MACROD2: variants seen among roughly 807,000 people sequenced by gnomAD.
MACROD2 encodes mono-ADP ribosylhydrolase 2, also known as ADP-ribose glycohydrolase MACROD2.
Under a neutral mutation model 70.4 loss-of-function variants are expected in MACROD2, and 36 were observed. The observed-to-expected ratio is 0.51, with a 90% confidence interval of 0.39 to 0.68. The LOEUF (loss-of-function observed/expected upper bound fraction) is 0.68, where lower values mean the gene tolerates loss of function less well. MACROD2 is among the 30% of genes least tolerant of loss of function. The pLI is 0.00. For missense variants in MACROD2, 496 were observed against 538.4 expected, an observed-to-expected ratio of 0.92 and a Z score of 0.78; for synonymous variants, 172 against 178.8, an observed-to-expected ratio of 0.96 and a Z score of 0.30.
At chr20:15,617,961 T>A (rs1360312971) in intron 8 of MACROD2, among the ~76,000 whole-genome samples, 1 of 152,046 alleles carries the variant, frequency 6.6e-6, no homozygotes, top group South Asian at 2.1e-4. Flanking sequence ...ATACCACATA[T>A]GGAACATGTG....
At chr20:14,370,130 ACTT>A (rs1233581179) in intron 3 of MACROD2, among the ~76,000 whole-genome samples, 2 of 152,184 alleles carry the variant, frequency 1.3e-5, no homozygotes, top group African/African-American at 2.4e-5. Flanking sequence ...GTGATTTTAA[ACTT>A]TAATATTAGG....
At chr20:14,831,479 T>TA (rs1292499204) in intron 5 of MACROD2, among the ~76,000 whole-genome samples, 2 of 151,556 alleles carry the variant, frequency 1.3e-5, no homozygotes, top group Non-Finnish European at 2.9e-5. Context: ...TCCCTCCCAT[T>TA]AAAAAAAGAG....
chr20:14,337,479 T>A, intron 3 of MACROD2: 1 of 397,888 alleles, frequency 2.5e-6, no homozygotes, highest in Non-Finnish European at 4.4e-6. Context: ...ATTGGAGTAA[T>A]AGCCCTCCCC....
chr20:15,113,297 C>T (rs1183358823), intron 5 of MACROD2, among the ~76,000 whole-genome samples: 1 of 152,156 alleles, frequency 6.6e-6, no homozygotes, highest in African/African-American at 2.4e-5. Flanking sequence ...AATAGCACTG[C>T]TGGTGTAACA....
intron 6 of MACROD2, among the ~76,000 whole-genome samples, chr20:15,389,960 C>T (rs1361653520): frequency 6.6e-6 from 1 of 152,014 alleles, no homozygotes; most frequent in South Asian, 2.1e-4. Context: ...GACCAGGGAA[C>T]CTTGAGGTTC....
intron 5 of MACROD2, among the ~76,000 whole-genome samples, chr20:15,199,069 T>C (rs2076632520): frequency 6.7e-6 from 1 of 149,344 alleles, no homozygotes; most frequent in South Asian, 2.1e-4. Context: ...TGGACAGATG[T>C]AACATTAATC....
chr20:15,296,892 G>T (rs1022579443), intron 6 of MACROD2, among the ~76,000 whole-genome samples: 2 of 152,210 alleles, frequency 1.3e-5, no homozygotes, highest in Non-Finnish European at 2.9e-5. Context: ...TAAAAATGCT[G>T]CTTTAATGCT....
intron 4 of MACROD2, among the ~76,000 whole-genome samples, chr20:14,597,199 T>C (rs998415788): frequency 6.6e-6 from 1 of 152,200 alleles, no homozygotes; most frequent in Non-Finnish European, 1.5e-5. Context: ...AAGTGATGAA[T>C]TCTTGATGAA....
At chr20:14,508,959 G>A (rs1394022974) in intron 4 of MACROD2, among the ~76,000 whole-genome samples, 2 of 152,098 alleles carry the variant, frequency 1.3e-5, no homozygotes, top group African/African-American at 4.8e-5. Context: ...ATGTTCAATA[G>A]TAGGGGATTT....
intron 4 of MACROD2, among the ~76,000 whole-genome samples, chr20:14,576,519 G>C (rs964588066): frequency 1.3e-5 from 2 of 152,182 alleles, no homozygotes; most frequent in African/African-American, 4.8e-5. Flanking sequence ...TAATGGCAAA[G>C]TTGCTTTTGG....
chr20:14,940,201 G>A (rs1291075985), intron 5 of MACROD2, among the ~76,000 whole-genome samples: 2 of 150,896 alleles, frequency 1.3e-5, no homozygotes, highest in Non-Finnish European at 2.9e-5. Flanking sequence ...GGGTGTGGTG[G>A]CACATGCCTG....
At chr20:14,029,890 T>C (rs891069889) in intron 2 of MACROD2, among the ~76,000 whole-genome samples, 1 of 152,216 alleles carries the variant, frequency 6.6e-6, no homozygotes, top group Non-Finnish European at 1.5e-5. Context: ...TCTTTCTTAA[T>C]GTAAGACAGG....
At chr20:15,995,648 C>CATTTTTTTTTTTT (rs2066618730) in intron 15 of MACROD2, among the ~76,000 whole-genome samples, 1 of 26,974 alleles carries the variant, frequency 3.7e-5, no homozygotes, top group Admixed American at 4.4e-4. Flanking sequence ...CTATGCCCGG[C>CATTTTTTTTTTTT]CTTTTTTTTT....
intron 5 of MACROD2, among the ~76,000 whole-genome samples, chr20:14,753,249 A>C (rs1481329339): frequency 2.0e-5 from 3 of 151,974 alleles, no homozygotes; most frequent in Non-Finnish European, 2.9e-5. Flanking sequence ...TGCTGTGATG[A>C]GTTTGCATTT....
chr20:14,990,909 T>C (rs2074897745), intron 5 of MACROD2, among the ~76,000 whole-genome samples: 1 of 152,206 alleles, frequency 6.6e-6, no homozygotes, highest in Admixed American at 6.5e-5. Context: ...CTGAAAGTTA[T>C]TGATAAGAAA....
At chr20:15,569,855 A>G (rs2048354402) in intron 8 of MACROD2, among the ~76,000 whole-genome samples, 2 of 152,150 alleles carry the variant, frequency 1.3e-5, no homozygotes, top group South Asian at 2.1e-4. Context: ...TCCATTGTAT[A>G]TATATACCAC....
At chr20:15,332,944 TCC>T (rs10534856) in intron 6 of MACROD2, among the ~76,000 whole-genome samples, 40,918 of 151,142 alleles carry the variant, frequency 0.27, 8,244 homozygotes, top group African/African-American at 0.53. Flanking sequence ...GCTCAGCTTC[TCC>T]CTCTTGGCAC....
chr20:14,546,850 A>G (rs2085496354), intron 4 of MACROD2, among the ~76,000 whole-genome samples: 1 of 152,140 alleles, frequency 6.6e-6, no homozygotes, highest in Non-Finnish European at 1.5e-5. Context: ...GGCAGCAATT[A>G]CATTTTATGT....
At chr20:15,560,598 C>T (rs2048228283) in intron 8 of MACROD2, among the ~76,000 whole-genome samples, 1 of 151,270 alleles carries the variant, frequency 6.6e-6, no homozygotes, top group African/African-American at 2.4e-5. Flanking sequence ...ACCTCACCTC[C>T]ACTAAAAATA....
Sources: gnomAD v4.1 joint callset for allele counts (sites outside exome capture counted in the v4.1 genomes callset) on GRCh38, gnomAD v4.1.1 for gene constraint, MANE v1.5 for transcripts, NCBI Gene and HGNC (gene_info 2026-07-23, HGNC 2026-07-21) for gene names.